NDE1: variants seen among roughly 807,000 people sequenced by gnomAD.
The protein encoded by NDE1 is nudE neurodevelopment protein 1.
In NDE1, 28 loss-of-function variants were observed where a neutral mutation model predicts 43.4. That is an observed-to-expected ratio of 0.65 (90% confidence interval 0.48 to 0.89). The LOEUF (loss-of-function observed/expected upper bound fraction) is 0.89. Ranked by LOEUF, NDE1 falls within the 40% of genes least tolerant of loss-of-function variation. The probability of loss-of-function intolerance (pLI) is 0.00; values close to 1 mark genes in which losing one functional copy is unlikely to be tolerated. For missense variants in NDE1, 441 were observed against 434.1 expected, an observed-to-expected ratio of 1.02 and a Z score of -0.14; for synonymous variants, 184 against 172.0, an observed-to-expected ratio of 1.07 and a Z score of -0.55.
chr16:15,647,325 G>C (rs564533052), upstream of NDE1, among the ~76,000 whole-genome samples: 4 of 152,316 alleles, frequency 2.6e-5, no homozygotes, highest in South Asian at 8.3e-4. Flanking sequence ...TTTGCCTCTA[G>C]CATAGTGCTG....
intron 4 of NDE1, among the ~76,000 whole-genome samples, chr16:15,682,438 T>A (rs1349175622): frequency 1.3e-5 from 2 of 152,226 alleles, no homozygotes; most frequent in African/African-American, 4.8e-5. Flanking sequence ...CGTTTGACAG[T>A]CTTCTCCAAG....
chr16:15,674,916 G>A (rs1005777699), intron 3 of NDE1, among the ~76,000 whole-genome samples: 1 of 152,154 alleles, frequency 6.6e-6, no homozygotes, highest in Non-Finnish European at 1.5e-5. Context: ...TGTGGGCCAC[G>A]CTGGTGACTC....
intron 7 of NDE1, chr16:15,695,574 G>A (rs1428379852): frequency 1.6e-5 from 16 of 984,830 alleles, no homozygotes; most frequent in African/African-American, 3.5e-5. Context: ...TTACAGGGAG[G>A]GATCCTTTTG....
chr16:15,643,511 C>G (rs1466479966), exon 1 of NDE1: 2 of 384,048 alleles, frequency 5.2e-6, no homozygotes, highest in East Asian at 2.5e-4. Flanking sequence ...TCAGCTCTTT[C>G]AGGCTTTGGA....
rs971644973 is a variant in NDE1, at chr16:15,725,741, A to G, written c.*1490A>G. ...CTGTGGACATGTTAAACATTTGTGA[A>G]AACTTTGGCCACGTCCCCATGAGTG... On this transcript the variant is annotated 3_prime_UTR_variant, in exon 9 of 9. Transcript: ENST00000396354. 1 of 398,716 alleles carries G rather than the reference A, an allele frequency of 2.5e-6. No homozygotes were observed. The highest frequency in any genetic ancestry group is 4.4e-6 in the Non-Finnish European group (1 of 226,132). The allele number at this position is 398,716 out of a possible 1,614,324, so 24.7% of individuals were successfully genotyped here. A position where few individuals can be genotyped will look rare whatever the true frequency, so the allele number is the denominator to read the frequency against.
At chr16:15,717,078 C>G in intron 8 of NDE1, 1 of 1,563,598 alleles carries the variant, frequency 6.4e-7, no homozygotes, top group Non-Finnish European at 8.8e-7. Context: ...CCTGACTTCA[C>G]TATGACTCCT....
At chr16:15,650,555 G>T (rs1021943937) in intron 1 of NDE1, among the ~76,000 whole-genome samples, 1 of 152,196 alleles carries the variant, frequency 6.6e-6, no homozygotes, top group Non-Finnish European at 1.5e-5. Flanking sequence ...CGTTCCTCGC[G>T]CTGGCCCCTC....
chr16:15,676,224 G>GTT (rs1261544528), intron 3 of NDE1, among the ~76,000 whole-genome samples: 1 of 69,916 alleles, frequency 1.4e-5, no homozygotes, highest in Non-Finnish European at 2.6e-5. Flanking sequence ...TTGTTTTTCT[G>GTT]GTTTTTTTTT....
rs71134448 is a variant in NDE1 at position 15,681,253 on chromosome 16, CTTTTTTTTTTTTTTT to C, written c.386+3320_386+3334del. 2.2e-4 allele frequency among the ~76,000 whole-genome samples: 7 copies of C among 31,428 alleles called. No individual in the cohort carries two copies. The Admixed American group carries it at 2.3e-3, about 10-fold the overall frequency. The allele number at this position is 31,428 out of a possible 152,430, so 20.6% of individuals were successfully genotyped here. ...TTGTGCCAGCACTGTTAAACACTGC[CTTTTTTTTTTTTTTT>C]TTTTTTTTTTTTTTTGAGACTGGGC... On this transcript the variant is annotated intron_variant, in intron 4 of 8. Coordinates refer to ENST00000396354, the MANE Select transcript of NDE1 (RefSeq NM_017668.3).
intron 4 of NDE1, among the ~76,000 whole-genome samples, chr16:15,685,568 G>A (rs1035223835): frequency 2.0e-5 from 3 of 151,942 alleles, no homozygotes; most frequent in Admixed American, 2.0e-4. Context: ...GTTTTTAATC[G>A]GTACTGTGGT....
chr16:15,706,821 T>C (rs1345071195), intron 8 of NDE1, among the ~76,000 whole-genome samples: 2 of 152,224 alleles, frequency 1.3e-5, no homozygotes, highest in Non-Finnish European at 2.9e-5. Context: ...CTGGAAAAGC[T>C]TAATGGATAA....
intron 4 of NDE1, among the ~76,000 whole-genome samples, chr16:15,682,377 A>G (rs530836017): frequency 3.3e-5 from 5 of 152,188 alleles, no homozygotes; most frequent in Admixed American, 6.6e-5. Flanking sequence ...CTTTATTTTA[A>G]AGACTTGAAA....
intron 8 of NDE1, chr16:15,719,051 C>G: frequency 1.5e-6 from 1 of 685,846 alleles, no homozygotes; most frequent in Non-Finnish European, 2.6e-6. Context: ...TTGCTTGAAC[C>G]TGGGAGGTGG....
At chr16:15,722,358 G>T (rs1380103905) in intron 8 of NDE1, among the ~76,000 whole-genome samples, 1 of 152,192 alleles carries the variant, frequency 6.6e-6, no homozygotes, top group East Asian at 1.9e-4. Context: ...ATATCTCTCT[G>T]CTTGGAGAAG....
At chr16:15,715,494 A>C (rs2040077095) in intron 8 of NDE1, among the ~76,000 whole-genome samples, 2 of 152,254 alleles carry the variant, frequency 1.3e-5, no homozygotes, top group Non-Finnish European at 2.9e-5. Flanking sequence ...AAGTGAAAGA[A>C]GACACATAGC....
At chr16:15,650,613 C>T (rs755479674) in intron 1 of NDE1, among the ~76,000 whole-genome samples, 16 of 152,236 alleles carry the variant, frequency 1.1e-4, no homozygotes, top group Admixed American at 2.0e-4. Context: ...CTCTCCCACC[C>T]CGTTGCCCTC....
intron 8 of NDE1, chr16:15,714,879 C>G (rs1176802425): frequency 6.2e-7 from 1 of 1,611,838 alleles, no homozygotes; most frequent in Non-Finnish European, 8.5e-7. Context: ...GCCTGAGAGA[C>G]GGGGTCCTCC....
At chr16:15,656,645 T>A (rs12921343) in intron 1 of NDE1, among the ~76,000 whole-genome samples, 12,853 of 151,710 alleles carry the variant, frequency 0.085, 1,154 homozygotes, top group African/African-American at 0.22. Flanking sequence ...GGTTCAAGAG[T>A]TTCTTCTGTT....
chr16:15,663,354 C>G (rs2037143065), intron 1 of NDE1, among the ~76,000 whole-genome samples: 1 of 151,980 alleles, frequency 6.6e-6, no homozygotes, highest in Admixed American at 6.6e-5. Context: ...ATTCTACCGC[C>G]TCAGTCTCCT....
Sources: gnomAD v4.1 joint callset for allele counts (sites outside exome capture counted in the v4.1 genomes callset) on GRCh38, gnomAD v4.1.1 for gene constraint, MANE v1.5 for transcripts, NCBI Gene and HGNC (gene_info 2026-07-23, HGNC 2026-07-21) for gene names.